The following SCFD2 variants were observed in gnomAD, a reference collection of about 807,000 sequenced individuals.
The protein encoded by SCFD2 is sec1 family domain containing 2, also known as sec1 family domain-containing protein 2.
Under a neutral mutation model 58.9 loss-of-function variants are expected in SCFD2, and 54 were observed. The ratio of observed to expected loss-of-function variants is 0.92; its 90% CI spans 0.74 to 1.15. SCFD2 has a LOEUF of 1.15. Among genes scored for constraint, SCFD2 ranks in the 50% most tolerant of loss-of-function variants. SCFD2 has a pLI of 0.00. For synonymous variants in SCFD2, 321 were observed against 335.9 expected, an observed-to-expected ratio of 0.96 and a Z score of 0.49; for missense variants, 805 against 836.6, an observed-to-expected ratio of 0.96 and a Z score of 0.47.
At chr4:53,183,123 A>G (rs1191132859) in intron 4 of SCFD2, among the ~76,000 whole-genome samples, 1 of 152,176 alleles carries the variant, frequency 6.6e-6, no homozygotes. Context: ...AACTAGAAAT[A>G]CCATTTGACC....
chr4:53,238,720 A>G (rs1372408167), intron 4 of SCFD2, among the ~76,000 whole-genome samples: 1 of 141,194 alleles, frequency 7.1e-6, no homozygotes, highest in African/African-American at 2.7e-5. Flanking sequence ...CACATCCCAG[A>G]CGGGGCGGCG....
chr4:52,968,671 C>T (rs1721020499), intron 5 of SCFD2, among the ~76,000 whole-genome samples: 1 of 152,186 alleles, frequency 6.6e-6, no homozygotes, highest in African/African-American at 2.4e-5. Flanking sequence ...ACTTCTATCA[C>T]TGCAAGACAG....
At chr4:52,931,527 C>T (rs301121) in intron 5 of SCFD2, among the ~76,000 whole-genome samples, 20,738 of 152,246 alleles carry the variant, frequency 0.14, 1,932 homozygotes, top group African/African-American at 0.26. Context: ...CCCCCTCCGC[C>T]TCCGGGTGGG....
At chr4:53,193,010 C>T (rs935668321) in intron 4 of SCFD2, among the ~76,000 whole-genome samples, 1 of 151,954 alleles carries the variant, frequency 6.6e-6, no homozygotes, top group African/African-American at 2.4e-5. Flanking sequence ...AAATTAAAAA[C>T]AACCTCCTTA....
intron 4 of SCFD2, among the ~76,000 whole-genome samples, chr4:53,156,840 TCC>T (rs1226657229): frequency 6.6e-6 from 1 of 152,258 alleles, no homozygotes; most frequent in Non-Finnish European, 1.5e-5. Context: ...ACGATGGTTA[TCC>T]CTAGAAAAAG....
At chr4:53,103,792 G>T (rs1395241354) in intron 5 of SCFD2, among the ~76,000 whole-genome samples, 1 of 76,912 alleles carries the variant, frequency 1.3e-5, no homozygotes, top group Non-Finnish European at 3.2e-5. Flanking sequence ...AAAAAAAAAG[G>T]CATGGGGTAG....
At chr4:53,208,251 C>T (rs1161472992) in intron 4 of SCFD2, among the ~76,000 whole-genome samples, 1 of 151,952 alleles carries the variant, frequency 6.6e-6, no homozygotes, top group Non-Finnish European at 1.5e-5. Context: ...GGGCCAGACA[C>T]GAGCCACCAC....
chr4:53,351,376 A>G (rs188168051), intron 2 of SCFD2, among the ~76,000 whole-genome samples: 1 of 152,316 alleles, frequency 6.6e-6, no homozygotes, highest in East Asian at 1.9e-4. Context: ...ATTGATCTAC[A>G]AAGACTACAT....
At chr4:53,029,764 T>G (rs940400259) in intron 5 of SCFD2, among the ~76,000 whole-genome samples, 3 of 152,246 alleles carry the variant, frequency 2.0e-5, no homozygotes. Context: ...GTACTGCAAC[T>G]ACCATCTGTA....
chr4:53,123,207 C>A (rs1326423502), intron 5 of SCFD2, among the ~76,000 whole-genome samples: 1 of 152,158 alleles, frequency 6.6e-6, no homozygotes, highest in African/African-American at 2.4e-5. Context: ...CCACCCTATC[C>A]TAGCCTGATA....
chr4:53,254,802 ATTTTTT>A (rs1189851171), intron 4 of SCFD2, among the ~76,000 whole-genome samples: 1 of 134,546 alleles, frequency 7.4e-6, no homozygotes, highest in Non-Finnish European at 1.6e-5. Flanking sequence ...TGTTTATTTT[ATTTTTT>A]TATTTTATTT....
chr4:53,278,197 T>C (rs1731391836), intron 3 of SCFD2, among the ~76,000 whole-genome samples: 1 of 151,468 alleles, frequency 6.6e-6, no homozygotes, highest in Non-Finnish European at 1.5e-5. Flanking sequence ...TGAAACCCTG[T>C]CTCTACTAAA....
At chr4:53,203,408 G>C (rs368177951) in intron 4 of SCFD2, among the ~76,000 whole-genome samples, 1 of 151,876 alleles carries the variant, frequency 6.6e-6, no homozygotes, top group Non-Finnish European at 1.5e-5. Context: ...CATAACTAAA[G>C]ATCTGTAAGT....
intron 4 of SCFD2, among the ~76,000 whole-genome samples, chr4:53,180,668 A>C (rs2148947533): frequency 6.6e-6 from 1 of 152,342 alleles, no homozygotes; most frequent in Non-Finnish European, 1.5e-5. Flanking sequence ...GAACTGAAGG[A>C]AACAGAGACA....
In SCFD2 at chr4:53,248,597, T is replaced by G. The variant is rs200461688; in HGVS notation, c.1311+25229A>C. Reference sequence around the variant, plus strand: ...ATCTGAGAATGGGCAGACTGCCTCCTCAAGTGGGTCCCTGACCCCTGACCC... The same window carrying G: ...ATCTGAGAATGGGCAGACTGCCTCCGCAAGTGGGTCCCTGACCCCTGACCC... On this transcript the variant is annotated intron_variant, in intron 4 of 8. Transcript: ENST00000401642. Among the ~76,000 whole-genome samples the G allele has an allele frequency of 2.7e-3, 412 of 152,272 alleles. 1 individual carries two copies. The highest frequency in any genetic ancestry group is 9.5e-3 in the African/African-American group (394 of 41,554).
At chr4:52,992,484 G>A (rs544134757) in intron 5 of SCFD2, among the ~76,000 whole-genome samples, 6 of 152,132 alleles carry the variant, frequency 3.9e-5, no homozygotes, top group East Asian at 1.9e-4. Context: ...CTGCATGGCC[G>A]CCCATCGTCT....
At chr4:53,185,946 ACAAAAAAAT>A (rs1727724785) in intron 4 of SCFD2, among the ~76,000 whole-genome samples, 1 of 152,172 alleles carries the variant, frequency 6.6e-6, no homozygotes, top group East Asian at 1.9e-4. Flanking sequence ...AACTACTAAC[ACAAAAAAAT>A]CAAAGGGATA....
intron 5 of SCFD2, among the ~76,000 whole-genome samples, chr4:53,033,120 C>G (rs891826556): frequency 6.6e-6 from 1 of 152,154 alleles, no homozygotes; most frequent in African/African-American, 2.4e-5. Flanking sequence ...CAAACAGTCT[C>G]TCAGACCACA....
chr4:53,161,515 C>A (rs564235865), intron 4 of SCFD2, among the ~76,000 whole-genome samples: 1 of 152,296 alleles, frequency 6.6e-6, no homozygotes, highest in Admixed American at 6.5e-5. Flanking sequence ...GAAAAAACAA[C>A]TTTCAATGGA....
Sources: gnomAD v4.1 joint callset for allele counts (sites outside exome capture counted in the v4.1 genomes callset) on GRCh38, gnomAD v4.1.1 for gene constraint, MANE v1.5 for transcripts, NCBI Gene and HGNC (gene_info 2026-07-23, HGNC 2026-07-21) for gene names.